Variants in ACOT7 observed in about 807,000 individuals in gnomAD.
ACOT7 encodes acyl-CoA thioesterase 7, also known as cytosolic acyl coenzyme A thioester hydrolase.
ACOT7 carries 12 observed loss-of-function variants against 40.2 expected under a neutral mutation model. The ratio of observed to expected loss-of-function variants is 0.30; its 90% CI spans 0.19 to 0.48. The LOEUF (loss-of-function observed/expected upper bound fraction) is 0.48, where lower values mean the gene tolerates loss of function less well. ACOT7 is among the 20% of genes least tolerant of loss of function. The pLI, the probability that ACOT7 is intolerant of heterozygous loss-of-function variation, is 0.99. For missense variants in ACOT7, 395 were observed against 530.8 expected, an observed-to-expected ratio of 0.74 and a Z score of 2.51; for synonymous variants, 228 against 219.5, an observed-to-expected ratio of 1.04 and a Z score of -0.34.
chr1:6,357,216 A>C (rs1641770051), intron 1 of ACOT7, among the ~76,000 whole-genome samples: 1 of 152,180 alleles, frequency 6.6e-6, no homozygotes, highest in South Asian at 2.1e-4. Context: ...CAGCCTGGGC[A>C]ACAAGAGCGA....
At position 6,274,190 on chromosome 1, in the gene ACOT7, G is replaced by A. The variant is rs557044707; in HGVS notation, c.1014+6912C>T. Reference sequence around the variant, plus strand: ...TGCTTCCTCCTAAGTGCAAAGGGGCGAGGGACCTTCCAATTACAGCATCAC... The same window carrying A: ...TGCTTCCTCCTAAGTGCAAAGGGGCAAGGGACCTTCCAATTACAGCATCAC... On this transcript the variant is annotated intron_variant, in intron 8 of 8. Coordinates refer to ENST00000361521, the MANE Select transcript of ACOT7 (RefSeq NM_007274.4). This position sits in a 1 kb window ranked among gnomAD's most constrained non-coding sequence, Gnocchi z 5.9. 2.0e-5 allele frequency among the ~76,000 whole-genome samples: 3 copies of A among 152,308 alleles called. No individual in the cohort carries two copies. The highest frequency in any genetic ancestry group is 4.8e-5 in the African/African-American group (2 of 41,574).
intron 1 of ACOT7, among the ~76,000 whole-genome samples, chr1:6,376,057 C>A (rs1642225176): frequency 6.6e-6 from 1 of 152,048 alleles, no homozygotes; most frequent in African/African-American, 2.4e-5. Flanking sequence ...AAGTTCGAGA[C>A]CAGCCTGGCC....
rs58531901 is a variant in ACOT7, at chr1:6,306,498, G to A, written c.713-11518C>T. ...AAGGTTCAAGTTCACCAGTCCCCAC[G>A]TCCCGCTCCCCCGCTGAAGCATCAG... On this transcript the variant is annotated intron_variant, in intron 6 of 8. Coordinates refer to ENST00000361521, the MANE Select transcript of ACOT7 (RefSeq NM_007274.4). This position sits in a 1 kb window ranked among gnomAD's most constrained non-coding sequence, Gnocchi z 4.3. The A allele has an allele frequency of 3.3e-4, 322 of 985,288 alleles. 1 individual carries two copies. In the African/African-American group the frequency reaches 5.0e-3, roughly 15 times the overall value. 61.0% of individuals were successfully genotyped at this position (985,288 alleles called of 1,614,324 possible).
chr1:6,390,435 G>A (rs902405425), intron 1 of ACOT7, among the ~76,000 whole-genome samples: 3 of 151,398 alleles, frequency 2.0e-5, no homozygotes, highest in Non-Finnish European at 2.9e-5. Context: ...AGCTGGGCAC[G>A]GTGGTGCACG....
chr1:6,393,099 C>CCGGG (rs1642561522), intron 1 of ACOT7, among the ~76,000 whole-genome samples, 158 bp downstream of exon 1: 1 of 150,672 alleles, frequency 6.6e-6, no homozygotes, highest in Non-Finnish European at 1.5e-5. Flanking sequence ...CGCATCCCGG[C>CCGGG]CGGGCGGGCG....
At chr1:6,266,576 C>T (rs918742185) in intron 8 of ACOT7, among the ~76,000 whole-genome samples, 1 of 152,226 alleles carries the variant, frequency 6.6e-6, no homozygotes, top group Non-Finnish European at 1.5e-5. Flanking sequence ...CAGGGCCCTG[C>T]CCCCTTTCCA....
chr1:6,294,776 C>G lies in ACOT7; in HGVS notation c.829+88G>C. 9.7e-7 allele frequency: 1 copy of G among 1,032,448 alleles called. No individual in the cohort carries two copies. The highest frequency in any genetic ancestry group is 1.5e-6 in the Non-Finnish European group (1 of 670,638). The allele number at this position is 1,032,448 out of a possible 1,614,324, so 64.0% of individuals were successfully genotyped here. A position where few individuals can be genotyped will look rare whatever the true frequency, so the allele number is the denominator to read the frequency against. ...GGGCACACACCAAGGCCCACATGAC[C>G]CTGGGTGTGAACAGAAAACAAACTG... is the stretch of plus-strand genomic sequence containing the variant. On this transcript the variant is annotated intron_variant, in intron 7 of 8. Coordinates refer to ENST00000361521, the MANE Select transcript of ACOT7 (RefSeq NM_007274.4). The surrounding 1 kb of genome is among the most constrained non-coding windows in gnomAD (Gnocchi z 4.6).
chr1:6,301,094 G>A lies in ACOT7; in HGVS notation c.713-6114C>T, dbSNP rs150945974. ...GCAGGAAGGAGCGTTCAAAGTCACA[G>A]ACCCAGAGTGTCCAGTGCTGGCCAC... is the stretch of plus-strand genomic sequence containing the variant. On this transcript the variant is annotated intron_variant, in intron 6 of 8. Coordinates refer to ENST00000361521, the MANE Select transcript of ACOT7 (RefSeq NM_007274.4). This position sits in a 1 kb window ranked among gnomAD's most constrained non-coding sequence, Gnocchi z 4.1. Among the ~76,000 whole-genome samples, 518 of 152,338 alleles carry A rather than the reference G, an allele frequency of 3.4e-3. 3 individuals carry two copies. The highest frequency in any genetic ancestry group is 0.012 in the African/African-American group (500 of 41,588).
Position 6,393,371 on chromosome 1 carries a change from G to C in ACOT7, c.29C>G (p.Ala10Gly). Residue 10 changes from alanine (A) to glycine (G), a missense_variant, in exon 1 of 9, where the codon GCG becomes GGG. Coordinates refer to ENST00000361521, the MANE Select transcript of ACOT7 (RefSeq NM_007274.4). MARPGLIHS[A>G]PGLPDTCALL... is the part of the protein sequence containing the mutation. ...GGCGCAGGTGTCTGGCAGGCCCGGC[G>C]CGGAATGAATGAGCCCGGGCCGCGC... 1 of 1,236,748 alleles carries C rather than the reference G, an allele frequency of 8.1e-7. No individual in the cohort carries two copies. Among genetic ancestry groups the C allele is most frequent in the Non-Finnish European group, 1.0e-6 (1 of 987,942 alleles). The allele number at this position is 1,236,748 out of a possible 1,614,324, so 76.6% of individuals were successfully genotyped here.
chr1:6,365,099 A>G (rs2148469219), intron 1 of ACOT7, among the ~76,000 whole-genome samples: 1 of 152,326 alleles, frequency 6.6e-6, no homozygotes, highest in African/African-American at 2.4e-5. Flanking sequence ...CGTGCTGAGC[A>G]AGGGAGGCTG....
chr1:6,305,372 G>A (rs1053323028), intron 6 of ACOT7, among the ~76,000 whole-genome samples: 1 of 149,180 alleles, frequency 6.7e-6, no homozygotes, highest in Non-Finnish European at 1.5e-5. Context: ...GGCCGGGCGG[G>A]GGGCTGACCC....
Position 6,378,362 on chromosome 1 carries a change from A to G in ACOT7, c.143+14895T>C, listed in dbSNP as rs1161220460. On this transcript the variant is annotated intron_variant, in intron 1 of 8. Coordinates refer to ENST00000361521, the MANE Select transcript of ACOT7 (RefSeq NM_007274.4). Reference sequence around the variant, plus strand: ...CCAGTGATACATTTTACAGCAAAGCACACAGACCACGGGCCTTCCCAGGTC... The same window carrying G: ...CCAGTGATACATTTTACAGCAAAGCGCACAGACCACGGGCCTTCCCAGGTC... Among the ~76,000 whole-genome samples, 2 of 151,908 alleles carry G rather than the reference A, an allele frequency of 1.3e-5. 1 individual carries two copies. Among genetic ancestry groups the G allele is most frequent in the Non-Finnish European group, 2.9e-5 (2 of 67,910 alleles).
At chr1:6,325,710 G>A (rs1372075406) in intron 5 of ACOT7, among the ~76,000 whole-genome samples, 1 of 152,146 alleles carries the variant, frequency 6.6e-6, no homozygotes, top group African/African-American at 2.4e-5. Context: ...GACCCGCCCA[G>A]AAAACAAGCA....
At chr1:6,284,322 A>G (rs1188702941) in intron 7 of ACOT7, among the ~76,000 whole-genome samples, 1 of 152,046 alleles carries the variant, frequency 6.6e-6, no homozygotes, top group Non-Finnish European at 1.5e-5. Context: ...CATACCTGTA[A>G]TCCCAGCACT....
chr1:6,363,349 G>A (rs929771000), intron 1 of ACOT7, among the ~76,000 whole-genome samples: 17 of 152,116 alleles, frequency 1.1e-4, no homozygotes, highest in Non-Finnish European at 2.4e-4. Flanking sequence ...AGCAGACCAG[G>A]AAAGGGAGTC....
Position 6,358,590 on chromosome 1 carries a change from C to T in ACOT7, c.144-8724G>A, listed in dbSNP as rs1048390766. 2.6e-5 allele frequency among the ~76,000 whole-genome samples: 4 copies of T among 152,208 alleles called. No individual in the cohort carries two copies. Among genetic ancestry groups the T allele is most frequent in the Non-Finnish European group, 4.4e-5 (3 of 68,024 alleles). On this transcript the variant is annotated intron_variant, in intron 1 of 8. Coordinates refer to ENST00000361521, the MANE Select transcript of ACOT7 (RefSeq NM_007274.4). This position sits in a 1 kb window ranked among gnomAD's most constrained non-coding sequence, Gnocchi z 4.1. Reference sequence around the variant, plus strand: ...AGTGCCCTGGTCCGTCAGGGGACCCCAGCTCACGCAGGCCTGCACTTCCTA... The same window carrying T: ...AGTGCCCTGGTCCGTCAGGGGACCCTAGCTCACGCAGGCCTGCACTTCCTA...
intron 7 of ACOT7, among the ~76,000 whole-genome samples, chr1:6,293,524 T>A (rs190732077): frequency 5.4e-4 from 82 of 152,188 alleles, no homozygotes; most frequent in Non-Finnish European, 8.1e-4. Context: ...TGAGCCGCTG[T>A]CTCTACAAAA....
chr1:6,393,558 G>A lies in ACOT7; in HGVS notation c.-159C>T. On this transcript the variant is annotated 5_prime_UTR_variant, in exon 1 of 9. Coordinates refer to ENST00000361521, the MANE Select transcript of ACOT7 (RefSeq NM_007274.4). ...CCAAGGCTGCAGAGAGCTCGCGCGG[G>A]CGTACGATTCTGGCGGCGTGGGGGC... is the stretch of plus-strand genomic sequence containing the variant. The A allele has an allele frequency of 1.6e-6, 1 of 615,044 alleles. No homozygotes were observed. The highest frequency in any genetic ancestry group is 2.3e-6 in the Non-Finnish European group (1 of 437,930). The allele number at this position is 615,044 out of a possible 1,614,324, so 38.1% of individuals were successfully genotyped here.
At position 6,360,530 on chromosome 1, in the gene ACOT7, A is replaced by G. The variant is rs781210791; in HGVS notation, c.144-10664T>C. On this transcript the variant is annotated intron_variant, in intron 1 of 8. Transcript: ENST00000361521. ...CTCCCAAACACACTTCCCTCCCCTG[A>G]CCCCAAATAGCCCATAGTTCCTCTC... 1.4e-5 allele frequency: 23 copies of G among 1,611,138 alleles called. No individual in the cohort carries two copies. The East Asian group carries it at 3.8e-4, about 27-fold the overall frequency.
Sources: allele counts gnomAD v4.1 joint callset (sites outside exome capture counted in the v4.1 genomes callset), GRCh38; gene constraint gnomAD v4.1.1; non-coding constraint Gnocchi (gnomAD v3.1); transcripts MANE v1.5; gene names NCBI Gene and HGNC (gene_info 2026-07-23, HGNC 2026-07-21).